Variants in AMER1 observed in about 807,000 individuals in gnomAD.
The protein encoded by AMER1 is APC membrane recruitment protein 1, also known as RP11-403E24.2.
Under a neutral mutation model 53.0 loss-of-function variants are expected in AMER1, and 16 were observed. The observed-to-expected ratio is 0.30, with a 90% CI of 0.20 to 0.46. AMER1 has a LOEUF of 0.46. Among genes scored for constraint, AMER1 ranks in the 20% least tolerant of loss-of-function variants. AMER1 has a pLI of 1.00. For missense variants in AMER1, 947 were observed against 884.9 expected (o/e 1.07, Z -0.89); for synonymous variants, 354 against 331.9 (o/e 1.07, Z -0.73).
In AMER1 at chrX:64,188,131, C is replaced by A. The variant is rs1157482289; in HGVS notation, c.*1748G>T. 1 of 798,329 alleles carries A rather than the reference C, an allele frequency of 1.3e-6. No individual in the cohort carries two copies. The highest frequency in any genetic ancestry group is 1.5e-6 in the Non-Finnish European group (1 of 666,141). 65.8% of individuals were successfully genotyped at this position (798,329 alleles called of 1,213,427 possible). ...CACAAAGTCACCTTGACTTAGGGGG[C>A]AAACAGCATCTGTTCCCAAGCTAAA... On this transcript the variant is annotated 3_prime_UTR_variant, in exon 2 of 2. Transcript: ENST00000374869.
In AMER1 at chrX:64,190,829, C is replaced by T; in HGVS notation, c.2458G>A (p.Gly820Ser). ...DIADVERDGEGKCEENPEFHN... is the reference protein window; with the variant it reads ...DIADVERDGESKCEENPEFHN... ...AACTCAGGATTCTCTTCACACTTGC[C>T]TTCCCCATCCCGTTCCACATCAGCG... is the stretch of plus-strand genomic sequence containing the variant. Residue 820 changes from glycine to serine, a missense_variant, in exon 2 of 2, where the codon GGC (glycine) becomes AGC (serine). Transcript: ENST00000374869. 5.8e-6 allele frequency: 7 copies of T among 1,211,645 alleles called. No homozygotes were observed. Among genetic ancestry groups the T allele is most frequent in the Non-Finnish European group, 7.8e-6 (7 of 895,458 alleles).
chrX:64,189,685 C>T lies in AMER1; in HGVS notation c.*194G>A. The T allele has an allele frequency of 1.8e-6, 2 of 1,086,097 alleles. No homozygotes were observed. The highest frequency in any genetic ancestry group is 4.8e-5 in the South Asian group (2 of 41,967). The allele number at this position is 1,086,097 out of a possible 1,213,427, so 89.5% of individuals were successfully genotyped here. A position where few individuals can be genotyped will look rare whatever the true frequency, so the allele number is the denominator to read the frequency against. On this transcript the variant is annotated 3_prime_UTR_variant, in exon 2 of 2. Transcript: ENST00000374869. The stretch of plus-strand genomic sequence containing the variant: ...CAGCAGCAGCCTCCCTGGGCAGATG[C>T]ACTTGAGTTGAACGTGGCCATAGAT...
chrX:64,188,332 G>A lies in AMER1; in HGVS notation c.*1547C>T, dbSNP rs982315835. Reference sequence around the variant, plus strand: ...CATGTAAAAGGAACCCTCTCCTACAGGTGATTAATGAGAGGTTGAGCTTGG... The same window carrying A: ...CATGTAAAAGGAACCCTCTCCTACAAGTGATTAATGAGAGGTTGAGCTTGG... On this transcript the variant is annotated 3_prime_UTR_variant, in exon 2 of 2. Coordinates refer to ENST00000374869, the MANE Select transcript of AMER1 (RefSeq NM_152424.4). The A allele has an allele frequency of 2.5e-6, 2 of 800,192 alleles. No homozygotes were observed. Among genetic ancestry groups the A allele is most frequent in the African/African-American group, 4.4e-5 (2 of 45,359 alleles). The allele number at this position is 800,192 out of a possible 1,213,427, so 65.9% of individuals were successfully genotyped here. A position where few individuals can be genotyped will look rare whatever the true frequency, so the allele number is the denominator to read the frequency against.
rs1930218884 is a variant in AMER1, at chrX:64,190,424, C to T, written c.2863G>A (p.Ala955Thr). Residue 955 changes from alanine to threonine, a missense_variant, in exon 2 of 2, where the codon GCC (alanine) becomes ACC (threonine). Coordinates refer to ENST00000374869, the MANE Select transcript of AMER1 (RefSeq NM_152424.4). ...PLSLYTEPPG[A>T]YDWPAWAPCP... ...GGAGCCCAAGCAGGCCAATCATAGG[C>T]CCCTGGGGGTTCAGTATAGAGGGAA... is the stretch of plus-strand genomic sequence containing the variant. The T allele has an allele frequency of 1.7e-6, 2 of 1,210,175 alleles. No homozygotes were observed. Among genetic ancestry groups the T allele is most frequent in the Non-Finnish European group, 1.1e-6 (1 of 895,114 alleles).
chrX:64,197,755 G>A (rs974201591), intron 1 of AMER1, among the ~76,000 whole-genome samples: 9 of 112,269 alleles, frequency 8.0e-5, no homozygotes, highest in East Asian at 2.8e-4. Flanking sequence ...CCATTTCAGC[G>A]CTGGAATCAA....
intron 1 of AMER1, among the ~76,000 whole-genome samples, chrX:64,199,903 G>C (rs1394201688): frequency 8.9e-6 from 1 of 112,820 alleles, no homozygotes; most frequent in Non-Finnish European, 1.9e-5. Context: ...TCTCAGCCTT[G>C]TTTCTCTGCC....
Position 64,188,405 on chromosome X carries a change from C to T in AMER1, c.*1474G>A. 1 of 804,803 alleles carries T rather than the reference C, an allele frequency of 1.2e-6. No individual in the cohort carries two copies. The highest frequency in any genetic ancestry group is 1.5e-6 in the Non-Finnish European group (1 of 670,221). 66.3% of individuals were successfully genotyped at this position (804,803 alleles called of 1,213,427 possible). A position where few individuals can be genotyped will look rare whatever the true frequency, so the allele number is the denominator to read the frequency against. On this transcript the variant is annotated 3_prime_UTR_variant, in exon 2 of 2. Coordinates refer to ENST00000374869, the MANE Select transcript of AMER1 (RefSeq NM_152424.4). Reference sequence around the variant, plus strand: ...CTTCCTGACAGCAAGCTCTTCCCCACCAGTATTTCCAACCTAGTTTAACAT... The same window carrying T: ...CTTCCTGACAGCAAGCTCTTCCCCATCAGTATTTCCAACCTAGTTTAACAT...
chrX:64,193,358 A>G lies in AMER1; in HGVS notation c.-72T>C, dbSNP rs1350578971. The stretch of plus-strand genomic sequence containing the variant: ...GGCTTCCAGGCACTGTTATAACATT[A>G]TCAGTCAGGAAGCATCACAGTGGGG... On this transcript the variant is annotated 5_prime_UTR_variant, in exon 2 of 2. Coordinates refer to ENST00000374869, the MANE Select transcript of AMER1 (RefSeq NM_152424.4). The G allele has an allele frequency of 8.3e-7, 1 of 1,197,763 alleles. No individual in the cohort carries two copies. The highest frequency in any genetic ancestry group is 1.1e-6 in the Non-Finnish European group (1 of 887,066).
At position 64,189,793 on chromosome X, in the gene AMER1, A is replaced by AGGGGGGGGCCCCCCCCCCCC; in HGVS notation, c.*85_*86insGGGGGGGGGGGGCCCCCCCC. 3.4e-6 allele frequency: 1 copy of AGGGGGGGGCCCCCCCCCCCC among 292,066 alleles called. No individual in the cohort carries two copies. The highest frequency in any genetic ancestry group is 4.9e-6 in the Non-Finnish European group (1 of 204,824). 24.1% of individuals were successfully genotyped at this position (292,066 alleles called of 1,213,427 possible). On this transcript the variant is annotated 3_prime_UTR_variant, in exon 2 of 2. Transcript: ENST00000374869. ...CAAAGGGTTTTCAAGTTAAACAACA[A>AGGGGGGGGCCCCCCCCCCCC]CCCCCACCCCCCCACCCTTCTGCCC... is the stretch of plus-strand genomic sequence containing the variant.
chrX:64,196,990 C>T (rs752098591), intron 1 of AMER1, among the ~76,000 whole-genome samples: 4 of 112,579 alleles, frequency 3.6e-5, no homozygotes, highest in Middle Eastern at 4.6e-3. Context: ...CAAAGCTATC[C>T]TTCCTCAATG....
rs10628043 is a variant in AMER1, at chrX:64,189,538, A to ATTATATATATATATATATATATAT, written c.*340_*341insATATATATATATATATATATATAA. The ATTATATATATATATATATATATAT allele has an allele frequency of 9.0e-6, 1 of 111,407 alleles. No individual in the cohort carries two copies. Among genetic ancestry groups the ATTATATATATATATATATATATAT allele is most frequent in the Non-Finnish European group, 1.3e-5 (1 of 79,421 alleles). 9.2% of individuals were successfully genotyped at this position (111,407 alleles called of 1,213,427 possible). On this transcript the variant is annotated 3_prime_UTR_variant, in exon 2 of 2. Transcript: ENST00000374869. ...TGTATATATATATATATATATATATATATATATATATATATATATAATCAC... is the reference window on the plus strand; with the variant it reads ...TGTATATATATATATATATATATATATTATATATATATATATATATATATTATATATATATATATATATAATCAC...
In AMER1 at chrX:64,192,616, G is replaced by A; in HGVS notation, c.671C>T (p.Pro224Leu). Residue 224 changes from proline (P) to leucine (L), a missense_variant, in exon 2 of 2, where the codon CCT becomes CTT. Coordinates refer to ENST00000374869, the MANE Select transcript of AMER1 (RefSeq NM_152424.4). Reference protein sequence around the residue: ...VPCFEETFQAPRKENANPQDA... With the variant: ...VPCFEETFQALRKENANPQDA... The stretch of plus-strand genomic sequence containing the variant: ...TTGGGGGTTAGCATTTTCCTTTCTA[G>A]GGGCTTGGAAGGTCTCCTCAAAGCA... 2 of 1,176,768 alleles carry A rather than the reference G, an allele frequency of 1.7e-6. No individual in the cohort carries two copies. The highest frequency in any genetic ancestry group is 2.3e-6 in the Non-Finnish European group (2 of 881,791).
intron 1 of AMER1, among the ~76,000 whole-genome samples, chrX:64,205,050 A>G (rs908508504): frequency 7.1e-5 from 8 of 113,466 alleles, no homozygotes; most frequent in Non-Finnish European, 9.4e-5. Context: ...GGCCCAAGCC[A>G]GCACGCCAGC....
rs587778024 is a variant in AMER1, at chrX:64,192,452, T to C, written c.835A>G (p.Ser279Gly). The C allele has an allele frequency of 9.1e-6, 11 of 1,204,729 alleles. No homozygotes were observed. The highest frequency in any genetic ancestry group is 5.9e-5 in the East Asian group (2 of 33,743). Residue 279 changes from serine (S) to glycine (G), a missense_variant, in exon 2 of 2, where the codon AGT becomes GGT. Ser to Gly is a moderately conservative substitution (Grantham distance 56). Transcript: ENST00000374869. ...HVQPKPAPEA[S>G]SLEEPHSPET... is the part of the protein sequence containing the mutation. ...GGGCTATGGGGCTCCTCTAGGCTAC[T>C]GGCTTCAGGGGCAGGCTTGGGTTGC...
At position 64,193,075 on chromosome X, in the gene AMER1, C is replaced by G. The variant is rs2147091055; in HGVS notation, c.212G>C (p.Ser71Thr). 1 of 1,212,123 alleles carries G rather than the reference C, an allele frequency of 8.2e-7. No individual in the cohort carries two copies. Among genetic ancestry groups the G allele is most frequent in the Non-Finnish European group, 1.1e-6 (1 of 895,631 alleles). The change falls in exon 2 of 2, where the codon AGT becomes ACT. Residue 71 changes from serine to threonine, a missense_variant. Physicochemically the swap from Ser to Thr is moderately conservative, Grantham distance 58 (BLOSUM62 1). Transcript: ENST00000374869. ...TTTGCTCCGTCCCCCTCCAAAGAAA[C>G]TAGGCAGAGTACAGATACCCTTCTT... ...GGKKGICTLP[S>T]FFGGGRSKGS...
At chrX:64,197,960 C>T (rs958446082) in intron 1 of AMER1, among the ~76,000 whole-genome samples, 3 of 112,692 alleles carry the variant, frequency 2.7e-5, no homozygotes, top group Non-Finnish European at 5.6e-5. Context: ...AACTTTTATT[C>T]ATATTTTATT....
In AMER1 at chrX:64,187,839, G is replaced by A. The variant is rs188024095; in HGVS notation, c.*2040C>T. ...GGAATGCTGTGCTTGGGGTAAGGAG[G>A]GCCTTCCTCACCCTCTTTCATTCTC... On this transcript the variant is annotated 3_prime_UTR_variant, in exon 2 of 2. Coordinates refer to ENST00000374869, the MANE Select transcript of AMER1 (RefSeq NM_152424.4). 1,641 of 775,373 alleles carry A rather than the reference G, an allele frequency of 2.1e-3. 1 individual carries two copies. Among genetic ancestry groups the A allele is most frequent in the Non-Finnish European group, 2.4e-3 (1,557 of 652,416 alleles). The allele number at this position is 775,373 out of a possible 1,213,427, so 63.9% of individuals were successfully genotyped here. A position where few individuals can be genotyped will look rare whatever the true frequency, so the allele number is the denominator to read the frequency against.
rs1412024807 is a variant in AMER1, at chrX:64,193,003, G to T, written c.284C>A (p.Thr95Asn). ...GGCTGCTTCACTCAGGCCATCGTGG[G>T]TCTTGCTCTTGCTGAGACCTTTCTT... Reference protein sequence around the residue: ...SSKKGLSKSKTHDGLSEAAHG... With the variant: ...SSKKGLSKSKNHDGLSEAAHG... The change falls in exon 2 of 2, where the codon ACC (threonine) becomes AAC (asparagine). Residue 95 changes from threonine to asparagine, a missense_variant. Thr to Asn is a moderately conservative substitution (Grantham distance 65). Transcript: ENST00000374869. 18 of 1,210,036 alleles carry T rather than the reference G, an allele frequency of 1.5e-5. No homozygotes were observed. The highest frequency in any genetic ancestry group is 2.0e-5 in the Non-Finnish European group (18 of 895,239).
Position 64,189,812 on chromosome X carries a change from T to A in AMER1, c.*67A>T. ...ACAACAACCCCCACCCCCCCACCCT[T>A]CTGCCCAACCCCTGATCCCCATTCA... On this transcript the variant is annotated 3_prime_UTR_variant, in exon 2 of 2. Coordinates refer to ENST00000374869, the MANE Select transcript of AMER1 (RefSeq NM_152424.4). 1 of 106,707 alleles carries A rather than the reference T, an allele frequency of 9.4e-6. No homozygotes were observed. The highest frequency in any genetic ancestry group is 1.2e-4 in the South Asian group (1 of 8,270). 8.8% of individuals were successfully genotyped at this position (106,707 alleles called of 1,213,427 possible).
Sources: allele counts gnomAD v4.1 joint callset (sites outside exome capture counted in the v4.1 genomes callset), GRCh38; gene constraint gnomAD v4.1.1; transcripts MANE v1.5; gene names NCBI Gene and HGNC (gene_info 2026-07-23, HGNC 2026-07-21).